Variants in PDE1C observed in about 807,000 individuals in gnomAD.
The protein encoded by PDE1C is dual specificity calcium/calmodulin-dependent 3',5'-cyclic nucleotide phosphodiesterase 1C.
Under a neutral mutation model 93.1 loss-of-function variants are expected in PDE1C, and 62 were observed. The observed-to-expected ratio is 0.67, with a 90% CI of 0.54 to 0.82. PDE1C has a LOEUF of 0.82. Among genes scored for constraint, PDE1C ranks in the 40% least tolerant of loss-of-function variants. The probability of loss-of-function intolerance (pLI) is 0.00; values close to 1 mark genes in which losing one functional copy is unlikely to be tolerated. For synonymous variants in PDE1C, 325 were observed against 310.1 expected, an observed-to-expected ratio of 1.05 and a Z score of -0.50; for missense variants, 742 against 884.6, an observed-to-expected ratio of 0.84 and a Z score of 2.04.
At chr7:32,427,566 C>A (rs975532352) in intron 1 of PDE1C, among the ~76,000 whole-genome samples, 1 of 152,130 alleles carries the variant, frequency 6.6e-6, no homozygotes, top group African/African-American at 2.4e-5. Flanking sequence ...ATGGTGCCGG[C>A]CCCGGTACTA....
At chr7:32,256,639 C>A (rs905011259) in intron 1 of PDE1C, among the ~76,000 whole-genome samples, 1 of 152,314 alleles carries the variant, frequency 6.6e-6, no homozygotes, top group African/African-American at 2.4e-5. Context: ...CAGGTTCCCC[C>A]ACCCTGCTGT....
In PDE1C at chr7:32,100,968, C is replaced by G. The variant is rs1186131743; in HGVS notation, c.308+68817G>C. On this transcript the variant is annotated intron_variant, in intron 3 of 18. Coordinates refer to the PDE1C transcript ENST00000396193. ...GGAATTTCCACATAGCACAGTAGATCAGACCCATTGAATGTTTTGGTCACC... is the reference window on the plus strand; with the variant it reads ...GGAATTTCCACATAGCACAGTAGATGAGACCCATTGAATGTTTTGGTCACC... Among the ~76,000 whole-genome samples, 4 of 151,918 alleles carry G rather than the reference C, an allele frequency of 2.6e-5. No homozygotes were observed. The East Asian group carries it at 7.8e-4, about 29-fold the overall frequency.
chr7:31,643,954 G>A, the PDE1C span: 179 of 1,602,670 alleles, frequency 1.1e-4, 1 homozygote, highest in South Asian at 1.6e-3. Context: ...GCTATGTTCC[G>A]TAAGTGTTCA....
At chr7:32,403,103 C>G (rs1395664839) in intron 1 of PDE1C, among the ~76,000 whole-genome samples, 1 of 152,234 alleles carries the variant, frequency 6.6e-6, no homozygotes, top group Non-Finnish European at 1.5e-5. Context: ...TCAGCTGCTT[C>G]TAGCCTGACT....
At chr7:31,790,176 G>C (rs1183955747) in intron 16 of PDE1C, 2 of 1,604,012 alleles carry the variant, frequency 1.2e-6, no homozygotes, top group East Asian at 4.5e-5. Context: ...GGAGAAGAAG[G>C]AGAATGAAGA....
At chr7:32,065,621 T>G (rs1490809826) in intron 1 of PDE1C, among the ~76,000 whole-genome samples, 1 of 152,188 alleles carries the variant, frequency 6.6e-6, no homozygotes, top group East Asian at 1.9e-4. Flanking sequence ...GACTGGCACC[T>G]AATAGACACT....
At chr7:32,265,103 G>A (rs1271545579) in intron 1 of PDE1C, among the ~76,000 whole-genome samples, 1 of 152,222 alleles carries the variant, frequency 6.6e-6, no homozygotes, top group Non-Finnish European at 1.5e-5. Flanking sequence ...GGCCACTCCA[G>A]AGAGAGCAAC....
At chr7:31,819,930 T>A (rs1341180178) in intron 14 of PDE1C, among the ~76,000 whole-genome samples, 1 of 152,152 alleles carries the variant, frequency 6.6e-6, no homozygotes, top group Non-Finnish European at 1.5e-5. Flanking sequence ...CTATTTCAAA[T>A]CTCAGTTCTA....
intron 3 of PDE1C, among the ~76,000 whole-genome samples, chr7:32,112,535 G>C (rs950324697): frequency 2.6e-5 from 4 of 151,724 alleles, no homozygotes; most frequent in Non-Finnish European, 5.9e-5. Context: ...CAGAATCATA[G>C]CTCATGGCAA....
the PDE1C span, among the ~76,000 whole-genome samples, chr7:31,638,017 T>C: frequency 6.6e-6 from 1 of 152,172 alleles, no homozygotes; most frequent in African/African-American, 2.4e-5. Flanking sequence ...TGTGGAAAAT[T>C]CTTCAGGATG....
chr7:31,925,047 G>C (rs1387799549), intron 2 of PDE1C, among the ~76,000 whole-genome samples: 6 of 49,464 alleles, frequency 1.2e-4, no homozygotes, highest in South Asian at 1.6e-3. Flanking sequence ...TTCTGTGTGT[G>C]TGTGTGTGTG....
At chr7:31,819,111 C>T (rs1448516086) in intron 14 of PDE1C, among the ~76,000 whole-genome samples, 1 of 152,082 alleles carries the variant, frequency 6.6e-6, no homozygotes, top group African/African-American at 2.4e-5. Context: ...CGAGCCTATC[C>T]TACTGTATGA....
intron 7 of PDE1C, among the ~76,000 whole-genome samples, chr7:31,859,181 GATTT>G (rs991623937): frequency 4.0e-5 from 6 of 148,602 alleles, no homozygotes; most frequent in African/African-American, 7.4e-5. Context: ...GTACATTTAT[GATTT>G]ATTGACTATA....
At position 31,856,800 on chromosome 7, in the gene PDE1C, C is replaced by T. The variant is rs151277600; in HGVS notation, c.751-6059G>A. Among the ~76,000 whole-genome samples the T allele has an allele frequency of 4.4e-3, 664 of 151,520 alleles. 3 individuals carry two copies. The highest frequency in any genetic ancestry group is 7.2e-3 in the Non-Finnish European group (487 of 67,970). ...GGCTCCCGTACTGTACTCAGTTGCTCGGGCTGCCATAACAAAATAACACGG... is the reference window on the plus strand; with the variant it reads ...GGCTCCCGTACTGTACTCAGTTGCTTGGGCTGCCATAACAAAATAACACGG... On this transcript the variant is annotated intron_variant, in intron 7 of 17. Coordinates refer to ENST00000396191, the MANE Select transcript of PDE1C (RefSeq NM_001191057.4).
At chr7:32,286,674 G>C (rs948937324) in intron 1 of PDE1C, among the ~76,000 whole-genome samples, 6 of 152,138 alleles carry the variant, frequency 3.9e-5, no homozygotes, top group African/African-American at 1.2e-4. Context: ...CAAGAGAGCT[G>C]ACTAATTTAA....
chr7:31,693,046 C>G, the PDE1C span, among the ~76,000 whole-genome samples: 6 of 152,262 alleles, frequency 3.9e-5, no homozygotes, highest in African/African-American at 1.4e-4. Flanking sequence ...TGCCGCTACC[C>G]ATTTCTAAAA....
Position 31,873,248 on chromosome 7 carries a change from A to G in PDE1C, c.609+44T>C. 2.6e-6 allele frequency: 3 copies of G among 1,133,666 alleles called. No homozygotes were observed. In the South Asian group the frequency reaches 3.9e-5, roughly 15 times the overall value. 70.2% of individuals were successfully genotyped at this position (1,133,666 alleles called of 1,614,324 possible). ...CCAAAAGTCATATGAGGATAAACAT[A>G]TGCATGTAGTTTATTTATTTTTTCT... On this transcript the variant is annotated intron_variant, in intron 6 of 17. Coordinates refer to ENST00000396191, the MANE Select transcript of PDE1C (RefSeq NM_001191057.4).
At chr7:32,179,488 T>C (rs1413709281) in intron 2 of PDE1C, among the ~76,000 whole-genome samples, 1 of 152,094 alleles carries the variant, frequency 6.6e-6, no homozygotes, top group East Asian at 1.9e-4. Flanking sequence ...CTCAAACTCC[T>C]GACCTCGTGA....
chr7:32,292,727 C>T (rs1812410934), intron 1 of PDE1C, among the ~76,000 whole-genome samples: 1 of 152,194 alleles, frequency 6.6e-6, no homozygotes, highest in South Asian at 2.1e-4. Flanking sequence ...ATTTACCCAT[C>T]CTGGTCCCCT....
Sources: gnomAD v4.1 joint callset for allele counts (sites outside exome capture counted in the v4.1 genomes callset) on GRCh38, gnomAD v4.1.1 for gene constraint, MANE v1.5 for transcripts, NCBI Gene and HGNC (gene_info 2026-07-23, HGNC 2026-07-21) for gene names.